Variants in RBM19 observed in about 807,000 individuals in gnomAD.
RBM19 encodes RNA binding motif protein 19, also known as probable RNA-binding protein 19.
Under a neutral mutation model 116.8 loss-of-function variants are expected in RBM19, and 94 were observed. The ratio of observed to expected loss-of-function variants is 0.80; its 90% CI spans 0.68 to 0.95. The LOEUF is 0.95. RBM19 is among the 40% of genes least tolerant of loss of function. The pLI is 0.00. For missense variants in RBM19, 1,161 were observed against 1,220.7 expected (o/e 0.95, Z 0.73); for synonymous variants, 475 against 494.1 (o/e 0.96, Z 0.51).
At chr12:113,837,246 T>TGCACACACACAC in intron 23 of RBM19, among the ~76,000 whole-genome samples, 1 of 126,900 alleles carries the variant, frequency 7.9e-6, no homozygotes, top group South Asian at 3.0e-4. Flanking sequence ...ATCCTCCTAA[T>TGCACACACACAC]ACACACACAC....
chr12:113,937,556 T>A (rs1454487175), intron 15 of RBM19, among the ~76,000 whole-genome samples: 2 of 140,544 alleles, frequency 1.4e-5, no homozygotes, highest in Non-Finnish European at 3.3e-5. Context: ...TGTGCATATA[T>A]CCACGGGCAA....
At chr12:113,845,651 T>C (rs763723316) in intron 22 of RBM19, among the ~76,000 whole-genome samples, 1 of 152,180 alleles carries the variant, frequency 6.6e-6, no homozygotes, top group Non-Finnish European at 1.5e-5. Context: ...TCTGTCTCTA[T>C]GGATTTGCAT....
At chr12:113,831,863 G>A (rs752470434) in intron 23 of RBM19, among the ~76,000 whole-genome samples, 10 of 152,192 alleles carry the variant, frequency 6.6e-5, no homozygotes, top group Non-Finnish European at 1.0e-4. Context: ...GTGACTGGGC[G>A]ATACCTGCTC....
intron 21 of RBM19, among the ~76,000 whole-genome samples, chr12:113,875,966 C>A (rs1465751246): frequency 2.7e-5 from 4 of 149,146 alleles, no homozygotes; most frequent in Non-Finnish European, 5.9e-5. Context: ...GTGGTCACAG[C>A]TTTTTCTGAG....
At chr12:113,920,543 G>A in intron 19 of RBM19, 68 bp downstream of exon 19, 2 of 1,374,354 alleles carry the variant, frequency 1.5e-6, no homozygotes, top group Non-Finnish European at 2.1e-6. Flanking sequence ...CAATTTCAGA[G>A]GGCTGACGGG....
In RBM19 at chr12:113,947,440, G is replaced by C. The variant is rs80245977; in HGVS notation, c.1301C>G (p.Pro434Arg). 6.2e-7 allele frequency: 1 copy of C among 1,607,304 alleles called. No homozygotes were observed. The highest frequency in any genetic ancestry group is 8.5e-7 in the Non-Finnish European group (1 of 1,174,350). The change falls in exon 11 of 24, where the codon CCC becomes CGC. Residue 434 changes from proline to arginine, a missense_variant. Coordinates refer to ENST00000261741, the MANE Select transcript of RBM19 (RefSeq NM_016196.4). Reference protein sequence around the residue: ...KYGPLSELHYPIDSLTKKPKG... With the variant: ...KYGPLSELHYRIDSLTKKPKG... ...GGGTTTCTTGGTCAGGCTGTCGATG[G>C]GGTAGTGGAGCTCAGACAGGGGACC...
chr12:113,908,340 G>A (rs550430537), intron 21 of RBM19, among the ~76,000 whole-genome samples: 1 of 152,022 alleles, frequency 6.6e-6, no homozygotes, highest in African/African-American at 2.4e-5. Context: ...TGTGTGTGGG[G>A]AGCATGAGTG....
Position 113,959,239 on chromosome 12 carries a change from C to A in RBM19, c.544G>T (p.Glu182Ter), listed in dbSNP as rs2135940902. The A allele has an allele frequency of 6.2e-7, 1 of 1,612,670 alleles. No individual in the cohort carries two copies. Among genetic ancestry groups the A allele is most frequent in the South Asian group, 1.1e-5 (1 of 91,018 alleles). Residue 182 changes from glutamate (E) to a stop codon, truncating the protein, a stop_gained, in exon 5 of 24, where the codon GAG (glutamate) becomes TAG (stop). Coordinates refer to ENST00000261741, the MANE Select transcript of RBM19 (RefSeq NM_016196.4). LOFTEE classifies it high-confidence loss of function. ...TCCAGGTCCTCCCCGGCTCCCTCCT[C>A]CTCACTCTCCTGCCCAGAATCGGAG... ...FDSDSGQESE[E>*]EGAGEDLEEE...
Position 113,927,097 on chromosome 12 carries a change from A to G in RBM19, c.2201T>C (p.Ile734Thr), listed in dbSNP as rs1438779720. The change falls in exon 17 of 24, where the codon ATT becomes ACT. Residue 734 changes from isoleucine to threonine, a missense_variant. By Grantham distance (89) the Ile-to-Thr change is moderately conservative. Coordinates refer to ENST00000261741, the MANE Select transcript of RBM19 (RefSeq NM_016196.4). The part of the protein sequence containing the change: ...EESLPGCTLF[I>T]KNLNFDTTEE... ...TGTTGTGTCAAAATTGAGATTCTTA[A>G]TAAACAGAGTACATCCTGGGAGGCT... 2 of 1,613,550 alleles carry G rather than the reference A, an allele frequency of 1.2e-6. No individual in the cohort carries two copies. Among genetic ancestry groups the G allele is most frequent in the Admixed American group, 1.7e-5 (1 of 59,996 alleles).
At chr12:113,882,332 C>T (rs922872187) in intron 21 of RBM19, among the ~76,000 whole-genome samples, 2 of 152,204 alleles carry the variant, frequency 1.3e-5, no homozygotes, top group African/African-American at 2.4e-5. Context: ...GCTCAGTGAC[C>T]TTGAGCAAAT....
intron 16 of RBM19, among the ~76,000 whole-genome samples, chr12:113,927,768 G>A (rs536379220): frequency 6.6e-6 from 1 of 152,028 alleles, no homozygotes; most frequent in Admixed American, 6.6e-5. Flanking sequence ...ATTACTTCAG[G>A]AAGCATATAC....
intron 22 of RBM19, among the ~76,000 whole-genome samples, chr12:113,858,115 G>A (rs1366069634): frequency 6.6e-6 from 1 of 152,254 alleles, no homozygotes; most frequent in Non-Finnish European, 1.5e-5. Flanking sequence ...GTACAGCCAG[G>A]CTCTTGTTCA....
Position 113,915,079 on chromosome 12 carries a change from G to C in RBM19, c.2448C>G (p.Ala816=), listed in dbSNP as rs777659324. The change falls in exon 21 of 24, where the codon GCC becomes GCG. Residue 816 remains alanine (A), a synonymous_variant. Transcript: ENST00000261741. ...CTTGTTTCTTCCGAGCCAATGTCAC[G>C]GCTGGCCTGGAGTGGTGGGGGGAGA... ...VRISERATKP[A]VTLARKKQVP... The C allele has an allele frequency of 6.2e-7, 1 of 1,613,962 alleles. No individual in the cohort carries two copies.
At chr12:113,858,930 A>G (rs1444758389) in intron 21 of RBM19, 34 bp from the exon 22 acceptor site, 1 of 1,598,758 alleles carries the variant, frequency 6.3e-7, no homozygotes, top group Admixed American at 1.7e-5. Context: ...GGGGTTTAAG[A>G]ATAGAGGCCC....
At chr12:113,875,261 A>G (rs762459388) in intron 21 of RBM19, among the ~76,000 whole-genome samples, 4 of 152,382 alleles carry the variant, frequency 2.6e-5, no homozygotes, top group Non-Finnish European at 4.4e-5. Context: ...AAAGAAAACA[A>G]CAATAAAACA....
rs1451918092 is a variant in RBM19, at chr12:113,938,421, ATTG to A, written c.1939-1288_1939-1286del. ...GGGACATGAATATCTATCTCTAAGA[ATTG>A]CTGGGGGGCATATGAATACCTATCT... On this transcript the variant is annotated intron_variant, in intron 15 of 23. Coordinates refer to ENST00000261741, the MANE Select transcript of RBM19 (RefSeq NM_016196.4). Among the ~76,000 whole-genome samples, 130 of 111,338 alleles carry A rather than the reference ATTG, an allele frequency of 1.2e-3. 1 individual carries two copies. Among genetic ancestry groups the A allele is most frequent in the Non-Finnish European group, 1.6e-3 (91 of 55,522 alleles). The allele number at this position is 111,338 out of a possible 152,430, so 73.0% of individuals were successfully genotyped here. A position where few individuals can be genotyped will look rare whatever the true frequency, so the allele number is the denominator to read the frequency against.
At chr12:113,904,738 T>TG (rs1191226736) in intron 21 of RBM19, among the ~76,000 whole-genome samples, 1 of 152,178 alleles carries the variant, frequency 6.6e-6, no homozygotes, top group African/African-American at 2.4e-5. Context: ...GCATCACGAC[T>TG]GTGGCCAGTG....
chr12:113,942,755 C>T (rs59656192), intron 13 of RBM19, among the ~76,000 whole-genome samples: 10,466 of 152,130 alleles, frequency 0.069, 778 homozygotes, highest in East Asian at 0.41. Context: ...GGACCACAGA[C>T]GCACCCCACC....
downstream of RBM19, among the ~76,000 whole-genome samples, chr12:113,820,613 G>A (rs574482972): frequency 2.0e-5 from 3 of 152,272 alleles, no homozygotes; most frequent in South Asian, 2.1e-4. Context: ...CTGGCTGCAC[G>A]AGGACAGCTG....
Sources: allele counts gnomAD v4.1 joint callset (sites outside exome capture counted in the v4.1 genomes callset), GRCh38; gene constraint gnomAD v4.1.1; transcripts MANE v1.5; gene names NCBI Gene and HGNC (gene_info 2026-07-23, HGNC 2026-07-21).